The following ATP8A1 variants were observed in gnomAD, a reference collection of about 807,000 sequenced individuals.
The protein encoded by ATP8A1 is phospholipid-transporting ATPase IA.
ATP8A1 carries 90 observed loss-of-function variants against 177.7 expected under a neutral mutation model. The observed-to-expected ratio is 0.51, with a 90% CI of 0.43 to 0.60. ATP8A1 has a LOEUF of 0.60. Ranked by LOEUF, ATP8A1 falls within the 20% of genes least tolerant of loss-of-function variation. ATP8A1 has a pLI of 0.00. For synonymous variants in ATP8A1, 493 were observed against 485.9 expected (o/e 1.01, Z -0.19); for missense variants, 1,072 against 1,392.8 (o/e 0.77, Z 3.67).
intron 24 of ATP8A1, among the ~76,000 whole-genome samples, chr4:42,499,332 T>C (rs1210357840): frequency 6.6e-6 from 1 of 152,152 alleles, no homozygotes; most frequent in Non-Finnish European, 1.5e-5. Flanking sequence ...TTTTGTTTTC[T>C]AGGAAAGCCT....
At chr4:42,418,353 T>G (rs1713478860) in intron 35 of ATP8A1, among the ~76,000 whole-genome samples, 1 of 103,770 alleles carries the variant, frequency 9.6e-6, no homozygotes, top group African/African-American at 3.3e-5. Flanking sequence ...TGAGTCTCAT[T>G]ATTGTATTTG....
At chr4:42,414,871 C>T (rs947797339) in intron 35 of ATP8A1, 153 bp from the exon 36 acceptor site, 2 of 620,004 alleles carry the variant, frequency 3.2e-6, no homozygotes, top group South Asian at 1.9e-5. Flanking sequence ...TCTCAGATAG[C>T]GAATGAAATT....
intron 20 of ATP8A1, among the ~76,000 whole-genome samples, chr4:42,526,461 C>T (rs1182242952): frequency 6.6e-6 from 1 of 152,128 alleles, no homozygotes; most frequent in African/African-American, 2.4e-5. Context: ...CTGGGGAAGG[C>T]AGACCCACCC....
intron 18 of ATP8A1, among the ~76,000 whole-genome samples, chr4:42,550,120 T>TCACCATAA (rs1423042677): frequency 6.6e-6 from 1 of 151,636 alleles, no homozygotes; most frequent in Non-Finnish European, 1.5e-5. Context: ...CTGAATTCTA[T>TCACCATAA]CACCATAAAT....
In ATP8A1 at chr4:42,600,286, A is replaced by G. The variant is rs764919804; in HGVS notation, c.450+192T>C. 2.0e-5 allele frequency among the ~76,000 whole-genome samples: 3 copies of G among 152,214 alleles called. 1 individual carries two copies. The East Asian group carries it at 5.8e-4, about 29-fold the overall frequency. ...CAAAAAGTTCTAGATATTTTTCAAA[A>G]TAAGTCTTTCTATAATACAGCAGAA... is the stretch of plus-strand genomic sequence containing the variant. On this transcript the variant is annotated intron_variant, in intron 6 of 36. Coordinates refer to ENST00000381668, the MANE Select transcript of ATP8A1 (RefSeq NM_006095.2).
At chr4:42,456,109 T>A (rs534698221) in intron 27 of ATP8A1, among the ~76,000 whole-genome samples, 1 of 152,244 alleles carries the variant, frequency 6.6e-6, no homozygotes, top group African/African-American at 2.4e-5. Flanking sequence ...AACCTGCATA[T>A]AGAGAGTGTC....
intron 22 of ATP8A1, among the ~76,000 whole-genome samples, chr4:42,520,546 C>T (rs1302878256): frequency 6.6e-6 from 1 of 151,452 alleles, no homozygotes; most frequent in East Asian, 1.9e-4. Context: ...AAATGGAGAG[C>T]GAGAAGGTGG....
intron 22 of ATP8A1, among the ~76,000 whole-genome samples, chr4:42,517,269 G>T (rs1725648617): frequency 6.9e-6 from 1 of 145,462 alleles, no homozygotes; most frequent in Admixed American, 6.9e-5. Context: ...CTTTAGCCTG[G>T]CAACAGAGTG....
intron 24 of ATP8A1, among the ~76,000 whole-genome samples, chr4:42,496,824 G>A (rs935971915): frequency 6.6e-6 from 1 of 150,964 alleles, no homozygotes; most frequent in East Asian, 1.9e-4. Flanking sequence ...ACATATATAC[G>A]TACATATATA....
intron 15 of ATP8A1, chr4:42,561,528 A>G (rs2153215243): frequency 1.3e-5 from 2 of 152,424 alleles, no homozygotes; most frequent in Middle Eastern, 6.8e-3. Context: ...AACCACCCTG[A>G]AACTGATCTC....
chr4:42,621,845 A>T (rs1321173838), intron 4 of ATP8A1, among the ~76,000 whole-genome samples: 1 of 152,244 alleles, frequency 6.6e-6, no homozygotes, highest in African/African-American at 2.4e-5. Flanking sequence ...CTACAGGGCT[A>T]CAGTAACCAC....
At chr4:42,619,377 G>T (rs1737230027) in intron 4 of ATP8A1, among the ~76,000 whole-genome samples, 1 of 152,060 alleles carries the variant, frequency 6.6e-6, no homozygotes, top group South Asian at 2.1e-4. Context: ...TAACAAATTT[G>T]ATCTTTATCA....
Position 42,428,977 on chromosome 4 carries a change from A to C in ATP8A1, c.3124-5272T>G, listed in dbSNP as rs376801928. On this transcript the variant is annotated intron_variant, in intron 33 of 36. Coordinates refer to ENST00000381668, the MANE Select transcript of ATP8A1 (RefSeq NM_006095.2). ...CTCATTCATCCTCTTGTTAGACTATATACTCTCTTAATTCTCATGATCCAA... is the reference window on the plus strand; with the variant it reads ...CTCATTCATCCTCTTGTTAGACTATCTACTCTCTTAATTCTCATGATCCAA... Among the ~76,000 whole-genome samples, 5 of 152,232 alleles carry C rather than the reference A, an allele frequency of 3.3e-5. No homozygotes were observed. In the East Asian group the frequency reaches 9.7e-4, roughly 29 times the overall value.
intron 15 of ATP8A1, among the ~76,000 whole-genome samples, chr4:42,556,439 TCTATTTG>T (rs1730244055): frequency 2.6e-5 from 4 of 152,160 alleles, no homozygotes; most frequent in African/African-American, 9.6e-5. Flanking sequence ...AAAATATTCT[TCTATTTG>T]AGTCATGAGA....
intron 18 of ATP8A1, 120 bp from the exon 19 acceptor site, chr4:42,549,182 T>G: frequency 1.4e-6 from 1 of 739,032 alleles, no homozygotes; most frequent in Non-Finnish European, 2.3e-6. Flanking sequence ...TTTTCCCTGC[T>G]GAAATATGGA....
intron 4 of ATP8A1, among the ~76,000 whole-genome samples, chr4:42,619,524 A>G (rs1437965697): frequency 1.3e-5 from 2 of 152,008 alleles, no homozygotes; most frequent in Non-Finnish European, 2.9e-5. Context: ...TATCTAAAGC[A>G]TCAAGAGTTA....
chr4:42,519,190 C>G (rs1725865175), intron 22 of ATP8A1, among the ~76,000 whole-genome samples: 1 of 152,030 alleles, frequency 6.6e-6, no homozygotes, highest in Admixed American at 6.6e-5. Flanking sequence ...TGGGCTCAGG[C>G]AATTCTCCCT....
chr4:42,604,359 G>A (rs1475619357), intron 5 of ATP8A1, among the ~76,000 whole-genome samples: 1 of 152,088 alleles, frequency 6.6e-6, no homozygotes, highest in Admixed American at 6.5e-5. Flanking sequence ...CAGATTATAA[G>A]ATCCATGACA....
chr4:42,442,552 A>G (rs763422005), intron 33 of ATP8A1, among the ~76,000 whole-genome samples: 1 of 152,236 alleles, frequency 6.6e-6, no homozygotes, highest in Non-Finnish European at 1.5e-5. Flanking sequence ...AAGGAAGTAT[A>G]TACTCCTTGA....
Sources: gnomAD v4.1 joint callset for allele counts (sites outside exome capture counted in the v4.1 genomes callset) on GRCh38, gnomAD v4.1.1 for gene constraint, MANE v1.5 for transcripts, NCBI Gene and HGNC (gene_info 2026-07-23, HGNC 2026-07-21) for gene names.